The following CCNJL variants were observed in gnomAD, a reference collection of about 807,000 sequenced individuals.
The protein encoded by CCNJL is cyclin J like, also known as cyclin-J-like protein.
In CCNJL, 33 loss-of-function variants were observed where a neutral mutation model predicts 33.4. The ratio of observed to expected loss-of-function variants is 0.99; its 90% CI spans 0.75 to 1.32. The LOEUF is 1.32. CCNJL is among the 40% of genes most tolerant of loss of function. CCNJL has a pLI of 0.00. For missense variants in CCNJL, 512 were observed against 499.7 expected (o/e 1.02, Z -0.23); for synonymous variants, 227 against 220.9 (o/e 1.03, Z -0.24).
At chr5:160,282,973 A>ATATG (rs1762268237) in intron 2 of CCNJL, among the ~76,000 whole-genome samples, 1 of 43,828 alleles carries the variant, frequency 2.3e-5, no homozygotes, top group East Asian at 1.2e-3. Flanking sequence ...TGGAATATAT[A>ATATG]TATATATATA....
chr5:160,264,840 C>T (rs1439222949), intron 3 of CCNJL, among the ~76,000 whole-genome samples: 1 of 152,182 alleles, frequency 6.6e-6, no homozygotes, highest in Non-Finnish European at 1.5e-5. Flanking sequence ...AGCCTCAAGG[C>T]AGACCAAACA....
intron 2 of CCNJL, among the ~76,000 whole-genome samples, chr5:160,299,404 G>A (rs1410059915): frequency 3.3e-5 from 5 of 151,826 alleles, no homozygotes; most frequent in African/African-American, 9.7e-5. Context: ...CACCCACCTC[G>A]GCCTCCCAAA....
At position 160,280,771 on chromosome 5, in the gene CCNJL, C is replaced by A. The variant is rs540298937; in HGVS notation, c.67-33G>T. 55 of 1,433,292 alleles carry A rather than the reference C, an allele frequency of 3.8e-5. No individual in the cohort carries two copies. In the East Asian group the frequency reaches 6.8e-4, roughly 18 times the overall value. The allele number at this position is 1,433,292 out of a possible 1,614,324, so 88.8% of individuals were successfully genotyped here. On this transcript the variant is annotated intron_variant, in intron 2 of 5. Transcript: ENST00000257536. ...ACAGGCGGGGCGGAGGGGTGACGGT[C>A]AGGGCTGCCTCCTGAGAGTCTCGGC...
intron 2 of CCNJL, among the ~76,000 whole-genome samples, chr5:160,306,446 G>A (rs192904706): frequency 9.9e-4 from 151 of 152,266 alleles, no homozygotes; most frequent in Non-Finnish European, 9.1e-4. Flanking sequence ...CGTCTTGGGA[G>A]AAGGTAAACA....
At chr5:160,292,843 A>G (rs1415658666) in intron 2 of CCNJL, among the ~76,000 whole-genome samples, 1 of 152,220 alleles carries the variant, frequency 6.6e-6, no homozygotes, top group African/African-American at 2.4e-5. Context: ...CTATGCACCT[A>G]GCAGTCATTT....
rs960409888 is a variant in CCNJL at position 160,250,162 on chromosome 5, A to C, written c.*3216T>G. Reference sequence around the variant, plus strand: ...TCTGGCTGAAGGCCACAGAGGTCACAGCCTCTGTGGCACAGTCTCCCCCCG... The same window carrying C: ...TCTGGCTGAAGGCCACAGAGGTCACCGCCTCTGTGGCACAGTCTCCCCCCG... On this transcript the variant is annotated 3_prime_UTR_variant, in exon 6 of 6. Coordinates refer to ENST00000257536, the MANE Select transcript of CCNJL (RefSeq NM_001308173.3). The C allele has an allele frequency of 3.9e-5, 6 of 152,242 alleles. No homozygotes were observed. The highest frequency in any genetic ancestry group is 1.4e-4 in the African/African-American group (6 of 41,452). The allele number at this position is 152,242 out of a possible 1,614,324, so 9.4% of individuals were successfully genotyped here.
intron 5 of CCNJL, chr5:160,254,326 GAAAAGGGGGCTGGA>G: frequency 1.5e-6 from 1 of 668,702 alleles, no homozygotes. Flanking sequence ...TTTTTCATCT[GAAAAGGGGGCTGGA>G]ACAGAGATTT....
At chr5:160,277,378 T>C (rs1762050507) in intron 3 of CCNJL, among the ~76,000 whole-genome samples, 1 of 152,156 alleles carries the variant, frequency 6.6e-6, no homozygotes, top group South Asian at 2.1e-4. Context: ...AGTTGTGGGA[T>C]TTCCACGTTG....
At chr5:160,270,747 T>C (rs536803109) in intron 3 of CCNJL, among the ~76,000 whole-genome samples, 3 of 152,338 alleles carry the variant, frequency 2.0e-5, no homozygotes, top group African/African-American at 7.2e-5. Flanking sequence ...CTTCTGGTTT[T>C]CTACAGGAAC....
At chr5:160,261,617 C>T (rs1422798658) in intron 3 of CCNJL, among the ~76,000 whole-genome samples, 1 of 151,444 alleles carries the variant, frequency 6.6e-6, no homozygotes, top group African/African-American at 2.4e-5. Flanking sequence ...TTTGGCAGCT[C>T]CCCCCATACT....
rs371151612 is a variant in CCNJL, at chr5:160,272,456, G to T, written c.280+8069C>A. ...GCACTAAAAGCAATCAGTCTGGAAA[G>T]GATTCCTTGTCTGTGCTTCCTGGAT... On this transcript the variant is annotated intron_variant, in intron 3 of 5. Transcript: ENST00000257536. Among the ~76,000 whole-genome samples the T allele has an allele frequency of 7.9e-5, 12 of 152,202 alleles. No individual in the cohort carries two copies. The East Asian group carries it at 2.3e-3, about 29-fold the overall frequency.
chr5:160,265,000 C>T (rs1580957894), intron 3 of CCNJL, among the ~76,000 whole-genome samples: 1 of 152,282 alleles, frequency 6.6e-6, no homozygotes, highest in East Asian at 1.9e-4. Flanking sequence ...TACCCAGTGC[C>T]AACAGTCATC....
At chr5:160,287,166 G>T (rs758414589) in intron 2 of CCNJL, among the ~76,000 whole-genome samples, 6 of 152,104 alleles carry the variant, frequency 3.9e-5, no homozygotes, top group Non-Finnish European at 8.8e-5. Context: ...TGAGAAATGG[G>T]GGTCACGCTG....
At chr5:160,287,850 G>A (rs547286469) in intron 2 of CCNJL, among the ~76,000 whole-genome samples, 4 of 152,166 alleles carry the variant, frequency 2.6e-5, no homozygotes, top group Non-Finnish European at 4.4e-5. Context: ...GGCCACAGGC[G>A]GTGAGAGTGT....
At chr5:160,339,529 A>G (rs1389819415) in exon 1 of CCNJL, 2 of 452,824 alleles carry the variant, frequency 4.4e-6, no homozygotes, top group South Asian at 1.6e-5. Flanking sequence ...CATTTTCCAA[A>G]TCTTTGTCGA....
chr5:160,334,130 C>A (rs1210257479), intron 1 of CCNJL, among the ~76,000 whole-genome samples: 1 of 152,166 alleles, frequency 6.6e-6, no homozygotes, highest in Non-Finnish European at 1.5e-5. Context: ...CCCTCAGGCA[C>A]CCCAACTTCA....
intron 1 of CCNJL, among the ~76,000 whole-genome samples, chr5:160,329,102 G>A (rs1296258177): frequency 1.3e-5 from 2 of 152,132 alleles, no homozygotes; most frequent in East Asian, 3.9e-4. Flanking sequence ...GAGGAAGCTA[G>A]GAGCCAAGCC....
intron 2 of CCNJL, among the ~76,000 whole-genome samples, chr5:160,299,912 T>C (rs1437967267): frequency 6.6e-6 from 1 of 151,902 alleles, no homozygotes; most frequent in Non-Finnish European, 1.5e-5. Context: ...GTCTAATGAC[T>C]GCACCATATT....
chr5:160,306,373 G>C (rs1763098617), intron 2 of CCNJL, among the ~76,000 whole-genome samples: 1 of 151,976 alleles, frequency 6.6e-6, no homozygotes, highest in Admixed American at 6.6e-5. Flanking sequence ...TAGGTGGCTG[G>C]TTGCCCTGCA....
Sources: allele counts gnomAD v4.1 joint callset (sites outside exome capture counted in the v4.1 genomes callset), GRCh38; gene constraint gnomAD v4.1.1; transcripts MANE v1.5; gene names NCBI Gene and HGNC (gene_info 2026-07-23, HGNC 2026-07-21).